Variants in ACOT1 observed in about 807,000 individuals in gnomAD.
The protein encoded by ACOT1 is acyl-CoA thioesterase 1.
Under a neutral mutation model 15.7 loss-of-function variants are expected in ACOT1, and 8 were observed. The observed-to-expected ratio is 0.51, with a 90% CI of 0.30 to 0.92. ACOT1 has a LOEUF of 0.92. ACOT1 is among the 40% of genes least tolerant of loss of function. The pLI is 0.06. For synonymous variants in ACOT1, 67 were observed against 241.2 expected (o/e 0.28, Z 6.69); for missense variants, 151 against 539.4 (o/e 0.28, Z 7.13).
In ACOT1 at chr14:73,537,406, T is replaced by G; in HGVS notation, c.-16T>G. ...AGCTGAGGCAGTTTGGCCGGATTAT[T>G]TGGGTTCCTGCTCGGATGGCGGCGA... On this transcript the variant is annotated 5_prime_UTR_variant, in exon 1 of 3. It adds an upstream start codon to the 5' untranslated region. Transcript: ENST00000311148. The G allele has an allele frequency of 3.2e-6, 4 of 1,234,638 alleles. No homozygotes were observed. The highest frequency in any genetic ancestry group is 4.3e-6 in the Non-Finnish European group (4 of 931,708). 76.5% of individuals were successfully genotyped at this position (1,234,638 alleles called of 1,614,324 possible).
chr14:73,497,156 A>G, the ACOT1 span, among the ~76,000 whole-genome samples: 1 of 152,112 alleles, frequency 6.6e-6, no homozygotes, highest in Non-Finnish European at 1.5e-5. Context: ...TTGGCCTCCC[A>G]AAGTGTTGGG....
At chr14:73,523,017 C>T in the ACOT1 span, 2 of 1,613,980 alleles carry the variant, frequency 1.2e-6, no homozygotes, top group East Asian at 2.2e-5. Context: ...ACCATAGGCA[C>T]ACTGGAGACA....
chr14:73,510,059 C>T, the ACOT1 span, among the ~76,000 whole-genome samples: 9 of 150,368 alleles, frequency 6.0e-5, no homozygotes, highest in South Asian at 4.2e-4. Flanking sequence ...GATGGGATTT[C>T]ACCGTGTTAG....
At chr14:73,520,628 T>C in the ACOT1 span, 6 of 464,974 alleles carry the variant, frequency 1.3e-5, no homozygotes, top group Admixed American at 7.3e-5. Flanking sequence ...TTTAGTAAGA[T>C]AGAGGGATAG....
At chr14:73,505,503 T>G in the ACOT1 span, among the ~76,000 whole-genome samples, 2 of 151,988 alleles carry the variant, frequency 1.3e-5, no homozygotes, top group Non-Finnish European at 2.9e-5. Flanking sequence ...TTCAAGCAAT[T>G]CTTGTGCCTC....
rs1360406018 is a variant in ACOT1 at position 73,537,658 on chromosome 14, G to T, written c.237G>T (p.Gly79=). ...GCTTCGCGGGGCTTGAGCCCATGGG[G>T]CTGCTCTGGGCCTTGGAGCCCGAGA... ...GGSFAGLEPM[G]LLWALEPEKP... The change falls in exon 1 of 3, where the codon GGG becomes GGT. Residue 79 remains glycine (G), a synonymous_variant. Transcript: ENST00000311148. 7 of 1,238,712 alleles carry T rather than the reference G, an allele frequency of 5.7e-6. 2 individuals are homozygous for T. Among genetic ancestry groups the T allele is most frequent in the Non-Finnish European group, 7.5e-6 (7 of 936,630 alleles). 76.7% of individuals were successfully genotyped at this position (1,238,712 alleles called of 1,614,324 possible). A position where few individuals can be genotyped will look rare whatever the true frequency, so the allele number is the denominator to read the frequency against.
the ACOT1 span, among the ~76,000 whole-genome samples, chr14:73,510,047 GA>G: frequency 6.7e-6 from 1 of 150,188 alleles, no homozygotes; most frequent in Admixed American, 6.7e-5. Flanking sequence ...ATTCTTAGTA[GA>G]GATGGGATTT....
the ACOT1 span, chr14:73,518,874 T>C: frequency 1.5e-6 from 1 of 666,496 alleles, no homozygotes; most frequent in South Asian, 2.7e-5. Context: ...TGTGAGATTA[T>C]TTTTAGTACG....
chr14:73,535,694 T>G (rs1160280531), upstream of ACOT1, among the ~76,000 whole-genome samples: 1 of 111,776 alleles, frequency 8.9e-6, no homozygotes, highest in Non-Finnish European at 1.9e-5. Context: ...TTAGCCAGGA[T>G]GGTGTCGATC....
At chr14:73,508,006 G>A in the ACOT1 span, 10 of 850,560 alleles carry the variant, frequency 1.2e-5, no homozygotes, top group African/African-American at 3.4e-5. Flanking sequence ...TCGGCCTCCC[G>A]AAGTGTTGGG....
chr14:73,506,817 T>TTGTTTTTTTTTTTTTG, the ACOT1 span, among the ~76,000 whole-genome samples: 3 of 135,690 alleles, frequency 2.2e-5, no homozygotes, highest in Non-Finnish European at 4.5e-5. Context: ...TTTTTTTTTT[T>TTGTTTTTTTTTTTTTG]TTTTTTTTCT....
the ACOT1 span, chr14:73,508,233 G>A: frequency 6.2e-7 from 1 of 1,613,908 alleles, no homozygotes; most frequent in Non-Finnish European, 8.5e-7. Context: ...TAATCACAGG[G>A]TAAGTAGCAG....
chr14:73,496,229 T>A, the ACOT1 span, among the ~76,000 whole-genome samples: 3 of 151,818 alleles, frequency 2.0e-5, no homozygotes, highest in African/African-American at 7.3e-5. Context: ...AAGAAGAAAA[T>A]CTAGGGGGCC....
At chr14:73,493,085 T>C in the ACOT1 span, 2 of 1,613,076 alleles carry the variant, frequency 1.2e-6, no homozygotes, top group Admixed American at 3.3e-5. Context: ...TGCTTCAGTG[T>C]CACAAACCTC....
intron 1 of ACOT1, among the ~76,000 whole-genome samples, chr14:73,540,145 G>GAA (rs1239173657): frequency 8.6e-6 from 1 of 116,768 alleles, no homozygotes; most frequent in Non-Finnish European, 1.9e-5. Flanking sequence ...CTCACTGCTA[G>GAA]AAGGAGTCAA....
chr14:73,517,937 T>C, the ACOT1 span, among the ~76,000 whole-genome samples: 1 of 151,982 alleles, frequency 6.6e-6, no homozygotes, highest in Non-Finnish European at 1.5e-5. Context: ...AATACAAAAA[T>C]TAGCTGGGTG....
the ACOT1 span, chr14:73,522,346 C>T: frequency 1.2e-6 from 2 of 1,614,122 alleles, no homozygotes; most frequent in Admixed American, 1.7e-5. Flanking sequence ...GATCCTCAAA[C>T]TCTGCTGTCT....
At chr14:73,542,653 G>T (rs1190129270) in intron 2 of ACOT1, among the ~76,000 whole-genome samples, 1 of 110,372 alleles carries the variant, frequency 9.1e-6, no homozygotes, top group Non-Finnish European at 1.9e-5. Flanking sequence ...TGATCCACCC[G>T]CCTCAGCCTC....
the ACOT1 span, chr14:73,520,765 C>G: frequency 1.6e-6 from 2 of 1,278,200 alleles, no homozygotes; most frequent in Non-Finnish European, 1.1e-6. Context: ...TTGTCCATAC[C>G]CACAACTGTT....
Sources: gnomAD v4.1 joint callset for allele counts (sites outside exome capture counted in the v4.1 genomes callset) on GRCh38, gnomAD v4.1.1 for gene constraint, MANE v1.5 for transcripts, NCBI Gene and HGNC (gene_info 2026-07-23, HGNC 2026-07-21) for gene names.